The following TENM4 variants were observed in gnomAD, a reference collection of about 807,000 sequenced individuals.
TENM4 encodes the protein teneurin transmembrane protein 4.
A neutral mutation model predicts 243.3 loss-of-function variants in TENM4; 82 were observed. The ratio of observed to expected loss-of-function variants is 0.34; its 90% CI spans 0.28 to 0.40. The LOEUF (loss-of-function observed/expected upper bound fraction) is 0.40. TENM4 is among the 10% of genes least tolerant of loss of function. The pLI, the probability that TENM4 is intolerant of heterozygous loss-of-function variation, is 1.00. For missense variants in TENM4, 3,138 were observed against 3,673.3 expected, an observed-to-expected ratio of 0.85 and a Z score of 3.77; for synonymous variants, 1,412 against 1,456.3, an observed-to-expected ratio of 0.97 and a Z score of 0.69.
intron 12 of TENM4, among the ~76,000 whole-genome samples, chr11:78,853,201 G>A (rs1204901712): frequency 6.6e-6 from 1 of 152,170 alleles, no homozygotes; most frequent in African/African-American, 2.4e-5. Flanking sequence ...GTTTAATGGA[G>A]TTATATTCTT....
At chr11:79,339,523 A>C (rs1262397185) in intron 1 of TENM4, among the ~76,000 whole-genome samples, 13 of 152,170 alleles carry the variant, frequency 8.5e-5, no homozygotes, top group Non-Finnish European at 1.8e-4. Flanking sequence ...GCTCCTGTGC[A>C]TATCCCTCTC....
At chr11:79,121,173 T>C (rs965554031) in intron 4 of TENM4, among the ~76,000 whole-genome samples, 1 of 149,724 alleles carries the variant, frequency 6.7e-6, no homozygotes, top group Non-Finnish European at 1.5e-5. Flanking sequence ...TCTTCCATTC[T>C]AGTTTTCTTG....
intron 3 of TENM4, among the ~76,000 whole-genome samples, chr11:79,156,631 G>A (rs1392912668): frequency 4.6e-5 from 7 of 152,140 alleles, no homozygotes; most frequent in Non-Finnish European, 1.0e-4. Context: ...TCCATCCTGA[G>A]CTTCCAGCAC....
chr11:79,430,953 G>GA (rs1448803773), intron 1 of TENM4, among the ~76,000 whole-genome samples: 1 of 152,158 alleles, frequency 6.6e-6, no homozygotes, highest in Non-Finnish European at 1.5e-5. Flanking sequence ...AAACGTGCTA[G>GA]AAAAAACAGA....
At chr11:79,261,976 T>G (rs1855806459) in intron 2 of TENM4, among the ~76,000 whole-genome samples, 1 of 152,222 alleles carries the variant, frequency 6.6e-6, no homozygotes, top group Non-Finnish European at 1.5e-5. Context: ...ATCACAGCCC[T>G]GTAAGGATTT....
chr11:79,046,461 C>T (rs187299287), intron 6 of TENM4, among the ~76,000 whole-genome samples: 69 of 133,800 alleles, frequency 5.2e-4, no homozygotes, highest in East Asian at 4.6e-3. Context: ...CCCAAAAAAA[C>T]GACAAGTTGA....
intron 28 of TENM4, among the ~76,000 whole-genome samples, chr11:78,696,104 G>A (rs1188809014): frequency 6.6e-6 from 1 of 151,202 alleles, no homozygotes; most frequent in Non-Finnish European, 1.5e-5. Context: ...CTGTATTTTA[G>A]TTTGGGTAAT....
intron 6 of TENM4, among the ~76,000 whole-genome samples, chr11:79,041,209 A>G (rs1208568932): frequency 6.6e-6 from 1 of 152,110 alleles, no homozygotes; most frequent in Non-Finnish European, 1.5e-5. Flanking sequence ...GACTACAGGC[A>G]TCTGCCACTG....
At chr11:79,258,092 G>C (rs1370728711) in intron 2 of TENM4, among the ~76,000 whole-genome samples, 1 of 152,194 alleles carries the variant, frequency 6.6e-6, no homozygotes, top group Non-Finnish European at 1.5e-5. Context: ...GGGGAGAGGA[G>C]AGGGGTTTGG....
chr11:79,123,395 G>A (rs558504859), intron 4 of TENM4, among the ~76,000 whole-genome samples: 3 of 152,254 alleles, frequency 2.0e-5, no homozygotes, highest in South Asian at 4.2e-4. Flanking sequence ...AGGTAGTCTG[G>A]CCCCAAGGTA....
At chr11:79,243,805 C>T (rs1281246395) in intron 2 of TENM4, among the ~76,000 whole-genome samples, 1 of 152,214 alleles carries the variant, frequency 6.6e-6, no homozygotes, top group East Asian at 1.9e-4. Context: ...CATGTGCCAG[C>T]CAAGAGCAGG....
chr11:79,117,916 C>T (rs1470043183), intron 4 of TENM4, among the ~76,000 whole-genome samples: 1 of 152,118 alleles, frequency 6.6e-6, no homozygotes, highest in Admixed American at 6.6e-5. Flanking sequence ...CATACCTGCG[C>T]AGGGAACACA....
At chr11:79,239,939 G>A (rs1242688336) in intron 2 of TENM4, among the ~76,000 whole-genome samples, 3 of 152,240 alleles carry the variant, frequency 2.0e-5, no homozygotes, top group South Asian at 2.1e-4. Flanking sequence ...AAGAACAACC[G>A]ATTGTTGCAG....
intron 6 of TENM4, among the ~76,000 whole-genome samples, chr11:79,029,733 C>T (rs931700931): frequency 4.6e-5 from 7 of 152,106 alleles, no homozygotes; most frequent in East Asian, 1.9e-4. Context: ...AAAAGAAACA[C>T]GGGGAGGGCA....
In TENM4 at chr11:79,438,611, A is replaced by T. The variant is rs866175889; in HGVS notation, c.-321+1898T>A. 6.6e-6 allele frequency among the ~76,000 whole-genome samples: 1 copy of T among 152,134 alleles called. No homozygotes were observed. The highest frequency in any genetic ancestry group is 1.5e-5 in the Non-Finnish European group (1 of 68,010). ...AGGCACCGCGGGCAGGTTTCTAAAC[A>T]CGTGAAGGGCACAGGGCTTGAAAGA... On this transcript the variant is annotated intron_variant, in intron 1 of 33. Coordinates refer to ENST00000278550, the MANE Select transcript of TENM4 (RefSeq NM_001098816.3). The surrounding 1 kb of genome is among the most constrained non-coding windows in gnomAD (Gnocchi z 4.1).
At chr11:79,152,093 C>A (rs1309414350) in intron 3 of TENM4, among the ~76,000 whole-genome samples, 2 of 152,134 alleles carry the variant, frequency 1.3e-5, no homozygotes, top group Non-Finnish European at 2.9e-5. Context: ...TCCTTCCATC[C>A]TCTCTCCACT....
intron 1 of TENM4, among the ~76,000 whole-genome samples, chr11:79,405,921 C>T (rs562706525): frequency 2.5e-4 from 38 of 151,862 alleles, no homozygotes; most frequent in African/African-American, 8.9e-4. Context: ...TCTGGAACTC[C>T]GGATGGGCGA....
At chr11:78,960,621 G>T (rs1344562747) in intron 6 of TENM4, among the ~76,000 whole-genome samples, 1 of 152,176 alleles carries the variant, frequency 6.6e-6, no homozygotes, top group Non-Finnish European at 1.5e-5. Flanking sequence ...AACACCCTTG[G>T]TAATCTCTGT....
chr11:79,170,079 T>G (rs1461236663), intron 3 of TENM4, among the ~76,000 whole-genome samples: 1 of 152,174 alleles, frequency 6.6e-6, no homozygotes, highest in Non-Finnish European at 1.5e-5. Context: ...GTCCAGCTGC[T>G]CTGAACCCTG....
Sources: gnomAD v4.1 joint callset for allele counts (sites outside exome capture counted in the v4.1 genomes callset) on GRCh38, gnomAD v4.1.1 for gene constraint, Gnocchi (gnomAD v3.1) non-coding constraint, MANE v1.5 for transcripts, NCBI Gene and HGNC (gene_info 2026-07-23, HGNC 2026-07-21) for gene names.